METTL16: variants seen among roughly 807,000 people sequenced by gnomAD.
The protein encoded by METTL16 is RNA N(6)-adenosine-methyltransferase METTL16.
In METTL16, 19 loss-of-function variants were observed where a neutral mutation model predicts 57.9. The observed-to-expected ratio is 0.33, with a 90% CI of 0.23 to 0.48. METTL16 has a LOEUF of 0.48. Among genes scored for constraint, METTL16 ranks in the 20% least tolerant of loss-of-function variants. The pLI, the probability that METTL16 is intolerant of heterozygous loss-of-function variation, is 0.99. For missense variants in METTL16, 434 were observed against 691.5 expected (o/e 0.63, Z 4.18); for synonymous variants, 246 against 255.6 (o/e 0.96, Z 0.36).
intron 1 of METTL16, among the ~76,000 whole-genome samples, chr17:2,508,661 T>TCTTAGATCTTAGATCTTA (rs2067565527): frequency 6.6e-6 from 1 of 152,148 alleles, no homozygotes; most frequent in African/African-American, 2.4e-5. Context: ...AGTCTCAAAC[T>TCTTAGATCTTAGATCTTA]GATCTCTTCA....
intron 2 of METTL16, among the ~76,000 whole-genome samples, chr17:2,484,670 T>G (rs2067329236): frequency 6.6e-6 from 1 of 152,150 alleles, no homozygotes; most frequent in South Asian, 2.1e-4. Context: ...AATTTTGTAT[T>G]TTTAGTAGAG....
chr17:2,451,970 A>AC (rs2067074246), intron 6 of METTL16, among the ~76,000 whole-genome samples: 1 of 151,726 alleles, frequency 6.6e-6, no homozygotes, highest in African/African-American at 2.4e-5. Context: ...ACATGGCAAG[A>AC]CCCCATCTCT....
intron 2 of METTL16, among the ~76,000 whole-genome samples, chr17:2,482,804 C>T (rs2067316296): frequency 6.6e-6 from 1 of 152,042 alleles, no homozygotes; most frequent in Non-Finnish European, 1.5e-5. Flanking sequence ...GCGGTCCCCG[C>T]TACGCAGGAG....
chr17:2,485,248 G>A (rs555149760), intron 2 of METTL16, among the ~76,000 whole-genome samples: 1 of 152,298 alleles, frequency 6.6e-6, no homozygotes, highest in East Asian at 1.9e-4. Context: ...CTGATGATCT[G>A]TCACTGTCTC....
chr17:2,442,449 A>G (rs529242411), intron 6 of METTL16, among the ~76,000 whole-genome samples: 16 of 152,154 alleles, frequency 1.1e-4, no homozygotes, highest in Non-Finnish European at 2.1e-4. Context: ...ACGATTTGTA[A>G]AGCAAATTAA....
At chr17:2,472,670 TA>T (rs900772177) in intron 4 of METTL16, among the ~76,000 whole-genome samples, 8 of 151,028 alleles carry the variant, frequency 5.3e-5, no homozygotes, top group African/African-American at 1.7e-4. Context: ...ATTAAAAGAA[TA>T]AAAAAAAGCT....
chr17:2,485,018 T>TA (rs2067331374), intron 2 of METTL16, among the ~76,000 whole-genome samples: 1 of 152,154 alleles, frequency 6.6e-6, no homozygotes, highest in Non-Finnish European at 1.5e-5. Context: ...CATGGACTGA[T>TA]ATTGGTCCCT....
At position 2,458,822 on chromosome 17, in the gene METTL16, T is replaced by C. The variant is rs142203820; in HGVS notation, c.728+5386A>G. Among the ~76,000 whole-genome samples the C allele has an allele frequency of 7.9e-5, 12 of 152,134 alleles. No homozygotes were observed. The East Asian group carries it at 1.7e-3, about 22-fold the overall frequency. Reference sequence around the variant, plus strand: ...GTGAGTCCCTTTTTTTTTTTTCTTTTTTGAGATAGGGTCTCACTCTGTCAC... The same window carrying C: ...GTGAGTCCCTTTTTTTTTTTTCTTTCTTGAGATAGGGTCTCACTCTGTCAC... On this transcript the variant is annotated intron_variant, in intron 6 of 9. Transcript: ENST00000263092.
At chr17:2,502,097 G>A in intron 2 of METTL16, 107 bp downstream of exon 2, 1 of 1,177,202 alleles carries the variant, frequency 8.5e-7, no homozygotes, top group Non-Finnish European at 1.2e-6. Context: ...AAGGTCGCAT[G>A]GGACGTTTAA....
intron 2 of METTL16, among the ~76,000 whole-genome samples, chr17:2,495,031 T>C (rs557023675): frequency 1.3e-5 from 2 of 151,322 alleles, no homozygotes; most frequent in South Asian, 2.1e-4. Context: ...CTGGAAAAGA[T>C]TCAGCATTCT....
At chr17:2,463,859 C>T (rs9910929) in intron 6 of METTL16, among the ~76,000 whole-genome samples, 4,081 of 152,038 alleles carry the variant, frequency 0.027, 195 homozygotes, top group African/African-American at 0.093. Flanking sequence ...GGGCACAGAG[C>T]CTCATGCCTA....
At chr17:2,462,571 T>C (rs1346386729) in intron 6 of METTL16, among the ~76,000 whole-genome samples, 1 of 152,120 alleles carries the variant, frequency 6.6e-6, no homozygotes, top group African/African-American at 2.4e-5. Context: ...CCCCTTGCTG[T>C]TCTGGTGACA....
chr17:2,477,163 C>G (rs2067274403), intron 3 of METTL16, among the ~76,000 whole-genome samples: 1 of 151,906 alleles, frequency 6.6e-6, no homozygotes, highest in Non-Finnish European at 1.5e-5. Flanking sequence ...CAACACGAGA[C>G]CCCATCTCAA....
intron 5 of METTL16, among the ~76,000 whole-genome samples, chr17:2,467,272 G>A (rs755073913): frequency 1.3e-5 from 2 of 152,182 alleles, no homozygotes; most frequent in Non-Finnish European, 2.9e-5. Flanking sequence ...CAGCTACTAG[G>A]GGAGCTGACG....
At chr17:2,446,640 CG>C (rs1363502040) in intron 6 of METTL16, among the ~76,000 whole-genome samples, 1 of 150,888 alleles carries the variant, frequency 6.6e-6, no homozygotes, top group Non-Finnish European at 1.5e-5. Context: ...TCTCCTTCCA[CG>C]GTCTCCCTCT....
Position 2,508,005 on chromosome 17 carries a change from T to G in METTL16, c.-1+3754A>C, listed in dbSNP as rs181560675. The stretch of plus-strand genomic sequence containing the variant: ...CAAACACTGCGGAAGGCCGCAGGGT[T>G]CTCTGCCTAGGAAAACCAGAGACCT... On this transcript the variant is annotated intron_variant, in intron 1 of 9. Transcript: ENST00000263092. Among the ~76,000 whole-genome samples, 542 of 152,232 alleles carry G rather than the reference T, an allele frequency of 3.6e-3. 5 individuals carry two copies. The highest frequency in any genetic ancestry group is 6.0e-3 in the Non-Finnish European group (409 of 67,998).
chr17:2,464,416 CTATCTCTAAGT>C, intron 5 of METTL16, 66 bp from the exon 6 acceptor site: 1 of 1,458,196 alleles, frequency 6.9e-7, no homozygotes, highest in East Asian at 2.4e-5. Context: ...TGAATGTAAT[CTATCTCTAAGT>C]TAGAATGTTT....
chr17:2,430,643 C>T (rs1048534653), intron 8 of METTL16, among the ~76,000 whole-genome samples: 3 of 152,012 alleles, frequency 2.0e-5, no homozygotes. Context: ...TGGTCTCGAT[C>T]TCCTGACCTC....
At chr17:2,428,287 G>A (rs2066834743) in intron 8 of METTL16, among the ~76,000 whole-genome samples, 1 of 151,276 alleles carries the variant, frequency 6.6e-6, no homozygotes, top group African/African-American at 2.4e-5. Context: ...TATGAGCCTA[G>A]AACAACCTGT....
Sources: gnomAD v4.1 joint callset for allele counts (sites outside exome capture counted in the v4.1 genomes callset) on GRCh38, gnomAD v4.1.1 for gene constraint, MANE v1.5 for transcripts, NCBI Gene and HGNC (gene_info 2026-07-23, HGNC 2026-07-21) for gene names.